CENPQ: variants seen among roughly 807,000 people sequenced by gnomAD.
CENPQ encodes the protein chromosome 6 open reading frame 139.
A neutral mutation model predicts 36.6 loss-of-function variants in CENPQ; 27 were observed. That is an observed-to-expected ratio of 0.74 (90% CI 0.54 to 1.02). The LOEUF is 1.02. Among genes scored for constraint, CENPQ ranks in the 50% least tolerant of loss-of-function variants. The pLI is 0.00. For synonymous variants in CENPQ, 101 were observed against 101.7 expected (o/e 0.99, Z 0.04); for missense variants, 306 against 301.8 (o/e 1.01, Z -0.10).
chr6:49,492,704 G>T lies in CENPQ; in HGVS notation c.*429G>T, dbSNP rs1284084055. On this transcript the variant is annotated 3_prime_UTR_variant, in exon 9 of 9. Coordinates refer to ENST00000335783, the MANE Select transcript of CENPQ (RefSeq NM_018132.4). ...CTGTAGCCAATGGCTTACAGTTTCTGTCTGGTCATCTGGAACTTGAAAAAT... is the reference window on the plus strand; with the variant it reads ...CTGTAGCCAATGGCTTACAGTTTCTTTCTGGTCATCTGGAACTTGAAAAAT... 1 of 152,364 alleles carries T rather than the reference G, an allele frequency of 6.6e-6. No individual in the cohort carries two copies. Among genetic ancestry groups the T allele is most frequent in the East Asian group, 1.9e-4 (1 of 5,190 alleles). The allele number at this position is 152,364 out of a possible 1,614,324, so 9.4% of individuals were successfully genotyped here. A position where few individuals can be genotyped will look rare whatever the true frequency, so the allele number is the denominator to read the frequency against.
intron 5 of CENPQ, among the ~76,000 whole-genome samples, chr6:49,480,397 T>C (rs896608291): frequency 1.3e-5 from 2 of 152,236 alleles, no homozygotes; most frequent in African/African-American, 2.4e-5. Flanking sequence ...TTCATGTTTA[T>C]AGAATTTTTG....
intron 6 of CENPQ, among the ~76,000 whole-genome samples, chr6:49,485,291 G>C (rs973774647): frequency 6.6e-6 from 1 of 152,108 alleles, no homozygotes; most frequent in African/African-American, 2.4e-5. Context: ...TTTTCATCGT[G>C]CTCTCACTCA....
At chr6:49,485,473 A>G (rs1296901416) in intron 6 of CENPQ, among the ~76,000 whole-genome samples, 5 of 152,218 alleles carry the variant, frequency 3.3e-5, no homozygotes, top group Non-Finnish European at 5.9e-5. Flanking sequence ...ATAAAGACCA[A>G]AAATAACATT....
At chr6:49,483,379 G>T (rs1243564017) in intron 6 of CENPQ, among the ~76,000 whole-genome samples, 2 of 152,200 alleles carry the variant, frequency 1.3e-5, no homozygotes, top group Non-Finnish European at 2.9e-5. Context: ...CCACACTGGG[G>T]CTGCAGGTGG....
chr6:49,479,572 G>A (rs1323676724), intron 5 of CENPQ, among the ~76,000 whole-genome samples: 1 of 152,138 alleles, frequency 6.6e-6, no homozygotes, highest in African/African-American at 2.4e-5. Flanking sequence ...AAGCAGTTTG[G>A]CAGATTCTCA....
chr6:49,472,842 A>G lies in CENPQ; in HGVS notation c.331A>G (p.Asn111Asp), dbSNP rs540718932. The G allele has an allele frequency of 1.5e-5, 22 of 1,445,654 alleles. No individual in the cohort carries two copies. The East Asian group carries it at 5.5e-4, about 36-fold the overall frequency. The allele number at this position is 1,445,654 out of a possible 1,614,324, so 89.6% of individuals were successfully genotyped here. ...KEKEEIQYHL[N>D]FLKKRLLQQC... ...AAAAGAAGAAATACAATACCATCTC[A>G]ACTTCCTGAAGAAAAGGTAATACTA... is the stretch of plus-strand genomic sequence containing the variant. Residue 111 changes from asparagine to aspartate, a missense_variant, in exon 5 of 9, where the codon AAC (asparagine) becomes GAC (aspartate). Transcript: ENST00000335783.
chr6:49,466,024 G>A (rs6901242), intron 1 of CENPQ, among the ~76,000 whole-genome samples: 6,053 of 152,226 alleles, frequency 0.04, 253 homozygotes, highest in African/African-American at 0.11. Context: ...AGAGAGGTGT[G>A]ATTTTTGCTT....
intron 5 of CENPQ, among the ~76,000 whole-genome samples, chr6:49,475,412 G>T (rs1279290846): frequency 6.6e-6 from 1 of 152,084 alleles, no homozygotes; most frequent in Non-Finnish European, 1.5e-5. Context: ...TAGGTATTGA[G>T]GGGATGTATC....
chr6:49,476,754 G>T (rs1768302668), intron 5 of CENPQ, among the ~76,000 whole-genome samples: 1 of 152,202 alleles, frequency 6.6e-6, no homozygotes, highest in Admixed American at 6.5e-5. Flanking sequence ...CACAAAGTGG[G>T]CAAAGGATAT....
chr6:49,492,221 G>T lies in CENPQ; in HGVS notation c.753G>T (p.Met251Ile), dbSNP rs1201477194. ...DLDILHNSSQ[M>I]KSMSTFIEEA... is the part of the protein sequence containing the mutation. ...ATATTCTTCATAATTCATCACAGAT[G>T]AAGAGCATGTCAACCTTCATTGAAG... Residue 251 changes from methionine to isoleucine, a missense_variant, in exon 9 of 9, where the codon ATG becomes ATT. Coordinates refer to ENST00000335783, the MANE Select transcript of CENPQ (RefSeq NM_018132.4). 6.2e-7 allele frequency: 1 copy of T among 1,608,568 alleles called. No homozygotes were observed. Among genetic ancestry groups the T allele is most frequent in the Non-Finnish European group, 8.5e-7 (1 of 1,178,312 alleles).
Position 49,488,676 on chromosome 6 carries a change from A to G in CENPQ, c.667A>G (p.Thr223Ala). Residue 223 changes from threonine (T) to alanine (A), a missense_variant, in exon 8 of 9, where the codon ACA (threonine) becomes GCA (alanine). Physicochemically the swap from Thr to Ala is moderately conservative, Grantham distance 58. Transcript: ENST00000335783. Reference sequence around the variant, plus strand: ...TTCTCAGAAAACTCTCAAAGCACCCACACTTCAGGTAAGTGCCTATTTACC... The same window carrying G: ...TTCTCAGAAAACTCTCAAAGCACCCGCACTTCAGGTAAGTGCCTATTTACC... Reference protein sequence around the residue: ...ELSQKTLKAPTLQKEILALIP... With the variant: ...ELSQKTLKAPALQKEILALIP... 6.2e-7 allele frequency: 1 copy of G among 1,612,188 alleles called. No individual in the cohort carries two copies.
At chr6:49,474,732 T>C in intron 5 of CENPQ, among the ~76,000 whole-genome samples, 1 of 152,056 alleles carries the variant, frequency 6.6e-6, no homozygotes, top group Non-Finnish European at 1.5e-5. Context: ...GCTGATTTTT[T>C]GAAAAGATCA....
chr6:49,478,400 T>G (rs1162315233), intron 5 of CENPQ, among the ~76,000 whole-genome samples: 1 of 152,216 alleles, frequency 6.6e-6, no homozygotes, highest in Admixed American at 6.5e-5. Context: ...CATATAAATC[T>G]ATTTCATTTT....
intron 1 of CENPQ, among the ~76,000 whole-genome samples, chr6:49,466,523 C>G (rs924808880): frequency 1.3e-5 from 2 of 152,224 alleles, no homozygotes; most frequent in Non-Finnish European, 2.9e-5. Context: ...CATTCGCTCA[C>G]TTGCCTCTTT....
chr6:49,486,866 GCCAGGCGTGGTGGCTCACGCCTGTAATC>G (rs1768594464), intron 6 of CENPQ, among the ~76,000 whole-genome samples: 2 of 151,956 alleles, frequency 1.3e-5, no homozygotes, highest in Admixed American at 1.3e-4. Context: ...ATGGCCATGG[GCCAGGCGTGGTGGCTCACGCCTGTAATC>G]CCAGCACTTT....
chr6:49,483,829 A>T (rs1351121648), intron 6 of CENPQ, among the ~76,000 whole-genome samples: 1 of 152,206 alleles, frequency 6.6e-6, no homozygotes, highest in East Asian at 1.9e-4. Flanking sequence ...TGAGGGAGCC[A>T]GCTCCAGCCT....
At chr6:49,471,126 A>G in intron 3 of CENPQ, 98 bp downstream of exon 3, 2 of 628,938 alleles carry the variant, frequency 3.2e-6, no homozygotes, top group Non-Finnish European at 4.9e-6. Flanking sequence ...AGTTCTGCAA[A>G]AGATAGTAAT....
At chr6:49,489,748 A>G (rs530574367) in intron 8 of CENPQ, among the ~76,000 whole-genome samples, 1 of 152,356 alleles carries the variant, frequency 6.6e-6, no homozygotes, top group East Asian at 1.9e-4. Context: ...AGCAGATGTG[A>G]AAACAACATT....
At chr6:49,485,084 G>A (rs902204080) in intron 6 of CENPQ, among the ~76,000 whole-genome samples, 2 of 152,130 alleles carry the variant, frequency 1.3e-5, no homozygotes, top group African/African-American at 4.8e-5. Context: ...AAGAAGCACC[G>A]CTGGCATTTG....
Sources: gnomAD v4.1 joint callset for allele counts (sites outside exome capture counted in the v4.1 genomes callset) on GRCh38, gnomAD v4.1.1 for gene constraint, MANE v1.5 for transcripts, NCBI Gene and HGNC (gene_info 2026-07-23, HGNC 2026-07-21) for gene names.